SCP2: variants seen among roughly 807,000 people sequenced by gnomAD.
The protein encoded by SCP2 is SCP-2/3-oxoacyl-CoA thiolase.
SCP2 carries 48 observed loss-of-function variants against 71.4 expected under a neutral mutation model. The observed-to-expected ratio is 0.67, with a 90% CI of 0.53 to 0.86. The LOEUF (loss-of-function observed/expected upper bound fraction) is 0.86. Ranked by LOEUF, SCP2 falls within the 40% of genes least tolerant of loss-of-function variation. The pLI is 0.00. For missense variants in SCP2, 560 were observed against 655.6 expected, an observed-to-expected ratio of 0.85 and a Z score of 1.59; for synonymous variants, 220 against 218.1, an observed-to-expected ratio of 1.01 and a Z score of -0.08.
intron 4 of SCP2, among the ~76,000 whole-genome samples, chr1:52,951,434 T>C (rs1310608737): frequency 1.3e-3 from 193 of 150,986 alleles, no homozygotes; most frequent in Middle Eastern, 3.4e-3. Flanking sequence ...GAACCTGTGT[T>C]TATACAAAAT....
chr1:53,036,117 A>ATACT (rs1385392324), intron 13 of SCP2, among the ~76,000 whole-genome samples: 1 of 151,236 alleles, frequency 6.6e-6, no homozygotes, highest in Non-Finnish European at 1.5e-5. Flanking sequence ...TAAATATGGT[A>ATACT]TACTTTTACA....
intron 5 of SCP2, among the ~76,000 whole-genome samples, chr1:52,955,062 A>G (rs553909766): frequency 5.4e-4 from 83 of 152,378 alleles, no homozygotes; most frequent in African/African-American, 1.8e-3. Flanking sequence ...ATTACATTCA[A>G]TAAATGAAAT....
intron 2 of SCP2, among the ~76,000 whole-genome samples, chr1:52,945,993 A>G (rs923362656): frequency 4.0e-5 from 6 of 151,344 alleles, no homozygotes; most frequent in Non-Finnish European, 7.4e-5. Context: ...CAGTAGTGTG[A>G]TCATGGCTCA....
intron 12 of SCP2, among the ~76,000 whole-genome samples, chr1:53,025,234 G>A (rs1308563236): frequency 6.9e-6 from 1 of 144,092 alleles, no homozygotes; most frequent in African/African-American, 2.7e-5. Flanking sequence ...ACACCATGCT[G>A]GTTTTCCTCT....
Position 52,953,517 on chromosome 1 carries a change from T to C in SCP2, c.332-1223T>C, listed in dbSNP as rs146356871. 4.7e-3 allele frequency among the ~76,000 whole-genome samples: 720 copies of C among 152,070 alleles called. 5 individuals carry two copies. The Middle Eastern group carries it at 0.065, about 14-fold the overall frequency. On this transcript the variant is annotated intron_variant, in intron 4 of 15. Coordinates refer to ENST00000371514, the MANE Select transcript of SCP2 (RefSeq NM_002979.5). ...TGCGCCACCATACCCAACTAATTTT[T>C]GTATATTTTGTAGAGATGGGGTCTT...
At chr1:52,932,722 A>C (rs930169907) in intron 1 of SCP2, among the ~76,000 whole-genome samples, 1 of 152,222 alleles carries the variant, frequency 6.6e-6, no homozygotes, top group Non-Finnish European at 1.5e-5. Context: ...CATAAAAAGC[A>C]AATGAAATAC....
chr1:52,971,787 G>A (rs1156738290), intron 6 of SCP2, among the ~76,000 whole-genome samples: 3 of 152,150 alleles, frequency 2.0e-5, no homozygotes, highest in East Asian at 1.9e-4. Flanking sequence ...TTCTGGAATG[G>A]GGGTCTTATG....
chr1:52,987,403 C>T (rs888931976), intron 10 of SCP2, among the ~76,000 whole-genome samples: 9 of 152,184 alleles, frequency 5.9e-5, no homozygotes, highest in Admixed American at 2.0e-4. Context: ...ATTACTTTAT[C>T]GTAAATAGAT....
intron 13 of SCP2, among the ~76,000 whole-genome samples, chr1:53,030,908 T>TAAA (rs59298380): frequency 4.0e-5 from 3 of 75,928 alleles, no homozygotes; most frequent in Non-Finnish European, 1.1e-4. Context: ...TCAAAAAAAT[T>TAAA]AAAAAAAAAA....
At chr1:52,970,105 A>AT (rs1025538051) in intron 6 of SCP2, among the ~76,000 whole-genome samples, 6 of 151,836 alleles carry the variant, frequency 4.0e-5, no homozygotes, top group African/African-American at 1.4e-4. Flanking sequence ...TTCTATTTTC[A>AT]TTTTTTACCC....
intron 1 of SCP2, among the ~76,000 whole-genome samples, chr1:52,932,398 G>C (rs1653242305): frequency 6.6e-6 from 1 of 151,974 alleles, no homozygotes; most frequent in Admixed American, 6.6e-5. Flanking sequence ...CAAATTTGAG[G>C]GTAGAAAAAA....
At chr1:52,956,930 G>T (rs564972087) in intron 5 of SCP2, among the ~76,000 whole-genome samples, 63 of 97,908 alleles carry the variant, frequency 6.4e-4, no homozygotes, top group Middle Eastern at 0.012. Context: ...TTTTTTTTGA[G>T]ACCAAGTCTC....
intron 1 of SCP2, among the ~76,000 whole-genome samples, chr1:52,934,435 A>G (rs1299346659): frequency 6.6e-6 from 1 of 151,958 alleles, no homozygotes; most frequent in Non-Finnish European, 1.5e-5. Context: ...TTCCAAAAAA[A>G]CCAATGGATG....
chr1:53,039,118 G>T, intron 14 of SCP2, 72 bp downstream of exon 14: 6 of 1,570,406 alleles, frequency 3.8e-6, no homozygotes, highest in Middle Eastern at 1.7e-4. Flanking sequence ...GAAAATGGGG[G>T]TCTGCTTTAC....
intron 4 of SCP2, among the ~76,000 whole-genome samples, chr1:52,954,117 C>A (rs1245496427): frequency 6.6e-6 from 1 of 151,764 alleles, no homozygotes; most frequent in Non-Finnish European, 1.5e-5. Context: ...TCAAGACCAG[C>A]CTGAGCAGCA....
chr1:53,004,945 G>A (rs1342549079), intron 11 of SCP2, among the ~76,000 whole-genome samples: 3 of 152,210 alleles, frequency 2.0e-5, no homozygotes, highest in Non-Finnish European at 4.4e-5. Flanking sequence ...CTTTTCCAAT[G>A]GTCTTAGCAA....
At chr1:52,987,113 G>T (rs572234424) in intron 10 of SCP2, among the ~76,000 whole-genome samples, 172 of 149,902 alleles carry the variant, frequency 1.1e-3, no homozygotes, top group African/African-American at 3.8e-3. Context: ...GTTTCACCAT[G>T]TTGGCCAGGC....
At chr1:52,989,425 T>A (rs112615676) in intron 11 of SCP2, among the ~76,000 whole-genome samples, 4 of 152,296 alleles carry the variant, frequency 2.6e-5, no homozygotes, top group African/African-American at 9.6e-5. Flanking sequence ...AGCAACGAGC[T>A]TTGTGGCATT....
chr1:52,931,756 G>A (rs561335637), intron 1 of SCP2, among the ~76,000 whole-genome samples: 1 of 152,260 alleles, frequency 6.6e-6, no homozygotes, highest in East Asian at 1.9e-4. Flanking sequence ...AGGATCACCA[G>A]ATATTCAAGG....
Sources: allele counts gnomAD v4.1 joint callset (sites outside exome capture counted in the v4.1 genomes callset), GRCh38; gene constraint gnomAD v4.1.1; transcripts MANE v1.5; gene names NCBI Gene and HGNC (gene_info 2026-07-23, HGNC 2026-07-21).